Variants in PDGFC observed in about 807,000 individuals in gnomAD.
PDGFC encodes platelet-derived growth factor C.
Under a neutral mutation model 35.5 loss-of-function variants are expected in PDGFC, and 12 were observed. The ratio of observed to expected loss-of-function variants is 0.34; its 90% CI spans 0.22 to 0.55. The LOEUF (loss-of-function observed/expected upper bound fraction) is 0.55. Ranked by LOEUF, PDGFC falls within the 20% of genes least tolerant of loss-of-function variation. PDGFC has a pLI of 0.91. For synonymous variants in PDGFC, 159 were observed against 148.8 expected (o/e 1.07, Z -0.50); for missense variants, 322 against 412.4 (o/e 0.78, Z 1.90).
At chr4:156,965,118 G>A (rs1732435200) in intron 1 of PDGFC, among the ~76,000 whole-genome samples, 1 of 152,102 alleles carries the variant, frequency 6.6e-6, no homozygotes, top group South Asian at 2.1e-4. Flanking sequence ...ACTCTGATTG[G>A]CACAACCATC....
chr4:156,916,220 C>T (rs1325969194), intron 1 of PDGFC, among the ~76,000 whole-genome samples: 4 of 152,172 alleles, frequency 2.6e-5, no homozygotes, highest in Non-Finnish European at 5.9e-5. Context: ...ACGATATTTA[C>T]AGTCTAACAG....
chr4:156,803,839 A>G (rs1731682129), intron 3 of PDGFC, among the ~76,000 whole-genome samples: 1 of 152,168 alleles, frequency 6.6e-6, no homozygotes, highest in Non-Finnish European at 1.5e-5. Context: ...GAATGAATGA[A>G]TATCTATTCC....
intron 1 of PDGFC, among the ~76,000 whole-genome samples, chr4:156,853,823 C>T (rs1411793513): frequency 6.6e-6 from 1 of 151,994 alleles, no homozygotes; most frequent in African/African-American, 2.4e-5. Context: ...ATTAGCTGGA[C>T]ATGGTGGCAT....
intron 2 of PDGFC, among the ~76,000 whole-genome samples, chr4:156,839,964 C>A (rs1460685002): frequency 1.3e-5 from 2 of 152,054 alleles, no homozygotes; most frequent in African/African-American, 2.4e-5. Context: ...TGTAGAGTAT[C>A]TGGTGGAAAA....
At chr4:156,773,619 G>A (rs1730745588) in intron 3 of PDGFC, 1 of 152,132 alleles carries the variant, frequency 6.6e-6, no homozygotes. Context: ...ATAAACATAT[G>A]AAAATATGCT....
At chr4:156,774,952 A>T (rs1406844052) in intron 3 of PDGFC, among the ~76,000 whole-genome samples, 1 of 152,226 alleles carries the variant, frequency 6.6e-6, no homozygotes, top group African/African-American at 2.4e-5. Context: ...AATGGTTACT[A>T]TTAAAGACTT....
chr4:156,925,638 G>A (rs1198762998), intron 1 of PDGFC, among the ~76,000 whole-genome samples: 3 of 151,724 alleles, frequency 2.0e-5, no homozygotes, highest in African/African-American at 4.8e-5. Context: ...TGGAATTAGA[G>A]AGAAACATCA....
chr4:156,779,206 C>T (rs1406946581), intron 3 of PDGFC: 1 of 455,966 alleles, frequency 2.2e-6, no homozygotes, highest in African/African-American at 2.0e-5. Flanking sequence ...AAACACGCTT[C>T]TTTGCCTTTC....
intron 1 of PDGFC, among the ~76,000 whole-genome samples, chr4:156,943,534 A>G (rs747111573): frequency 6.6e-6 from 1 of 152,118 alleles, no homozygotes; most frequent in Non-Finnish European, 1.5e-5. Flanking sequence ...CTATAAGTGC[A>G]CAAAACCTCT....
At chr4:156,913,584 C>T (rs1482306995) in intron 1 of PDGFC, among the ~76,000 whole-genome samples, 1 of 152,202 alleles carries the variant, frequency 6.6e-6, no homozygotes, top group Non-Finnish European at 1.5e-5. Context: ...TTCCCTCCCT[C>T]TCTTGAGGCT....
chr4:156,790,546 A>G (rs1020541063), intron 3 of PDGFC, among the ~76,000 whole-genome samples: 2 of 152,236 alleles, frequency 1.3e-5, no homozygotes, highest in African/African-American at 4.8e-5. Flanking sequence ...AAACTTTATG[A>G]ATTTGGATAG....
chr4:156,839,654 G>A (rs1314139171), intron 2 of PDGFC, among the ~76,000 whole-genome samples: 1 of 152,190 alleles, frequency 6.6e-6, no homozygotes, highest in African/African-American at 2.4e-5. Context: ...ACCATTTGGA[G>A]GGATCAGAAG....
chr4:156,871,356 A>G (rs1729979763), intron 1 of PDGFC, among the ~76,000 whole-genome samples: 1 of 152,180 alleles, frequency 6.6e-6, no homozygotes, highest in Non-Finnish European at 1.5e-5. Context: ...ACTAGCAATT[A>G]TAAGGACCCA....
At chr4:156,924,665 T>A (rs993741750) in intron 1 of PDGFC, among the ~76,000 whole-genome samples, 1 of 152,134 alleles carries the variant, frequency 6.6e-6, no homozygotes, top group African/African-American at 2.4e-5. Context: ...AAGTAACCAG[T>A]GAAGGGTCCC....
chr4:156,778,315 G>A, intron 3 of PDGFC: 1 of 244,598 alleles, frequency 4.1e-6, no homozygotes, highest in South Asian at 3.7e-5. Context: ...AAATCCTGGT[G>A]AATGTGGACC....
chr4:156,763,208 TG>T lies in PDGFC; in HGVS notation c.922-3del. The T allele has an allele frequency of 6.7e-7, 1 of 1,490,328 alleles. No homozygotes were observed. The highest frequency in any genetic ancestry group is 9.4e-7 in the Non-Finnish European group (1 of 1,066,910). The allele number at this position is 1,490,328 out of a possible 1,614,324, so 92.3% of individuals were successfully genotyped here. On this transcript the variant is annotated splice_polypyrimidine_tract_variant and splice_region_variant and intron_variant, in intron 5 of 5. Transcript: ENST00000502773. The stretch of plus-strand genomic sequence containing the variant: ...GGTCTTTGGTCTCAACTGAAGGACC[TG>T]AAAGGGAATAAGAGTAAGCCACTTT...
chr4:156,860,238 G>T (rs1295357485), intron 1 of PDGFC, among the ~76,000 whole-genome samples: 1 of 151,998 alleles, frequency 6.6e-6, no homozygotes, highest in African/African-American at 2.4e-5. Flanking sequence ...TGATCTCAGG[G>T]CCAACTTTGA....
rs575937849 is a variant in PDGFC at position 156,913,817 on chromosome 4, G to A, written c.118+56969C>T. 1.4e-4 allele frequency among the ~76,000 whole-genome samples: 22 copies of A among 152,190 alleles called. No homozygotes were observed. The South Asian group carries it at 3.3e-3, about 23-fold the overall frequency. On this transcript the variant is annotated intron_variant, in intron 1 of 5. Transcript: ENST00000502773. ...CACCTCTCTAATGGCCCCAGGCCCC[G>A]TTGGTGAGTCCTCTCTCCCAAACCT...
chr4:156,832,250 T>C (rs1373818999), intron 2 of PDGFC, among the ~76,000 whole-genome samples: 2 of 146,494 alleles, frequency 1.4e-5, no homozygotes, highest in African/African-American at 5.1e-5. Context: ...TCTTTCTTTC[T>C]TTCTTTTTTT....
Sources: gnomAD v4.1 joint callset for allele counts (sites outside exome capture counted in the v4.1 genomes callset) on GRCh38, gnomAD v4.1.1 for gene constraint, MANE v1.5 for transcripts, NCBI Gene and HGNC (gene_info 2026-07-23, HGNC 2026-07-21) for gene names.